Variants in BAZ1A observed in about 807,000 individuals in gnomAD.
The protein encoded by BAZ1A is bromodomain adjacent to zinc finger domain 1A, also known as bromodomain adjacent to zinc finger domain protein 1A.
BAZ1A carries 50 observed loss-of-function variants against 185.2 expected under a neutral mutation model. The observed-to-expected ratio is 0.27, with a 90% CI of 0.22 to 0.34. The LOEUF is 0.34. Among genes scored for constraint, BAZ1A ranks in the 10% least tolerant of loss-of-function variants. The pLI is 1.00. For synonymous variants in BAZ1A, 571 were observed against 615.6 expected (o/e 0.93, Z 1.07); for missense variants, 1,356 against 1,839.9 (o/e 0.74, Z 4.81).
intron 9 of BAZ1A, among the ~76,000 whole-genome samples, chr14:34,798,156 T>C (rs541706382): frequency 6.6e-6 from 1 of 152,002 alleles, no homozygotes; most frequent in Non-Finnish European, 1.5e-5. Context: ...GTGTCCGCCA[T>C]TGCTGAGGCT....
chr14:34,793,166 A>C lies in BAZ1A; in HGVS notation c.1364-245T>G, dbSNP rs142377841. Among the ~76,000 whole-genome samples the C allele has an allele frequency of 6.1e-3, 934 of 152,314 alleles. 16 individuals are homozygous for C. The highest frequency in any genetic ancestry group is 0.022 in the African/African-American group (902 of 41,580). Reference sequence around the variant, plus strand: ...AAGTCAAAATAGCCTCAATAGATCAACATATTTCATTTAAATTTAAATTTA... The same window carrying C: ...AAGTCAAAATAGCCTCAATAGATCACCATATTTCATTTAAATTTAAATTTA... On this transcript the variant is annotated intron_variant, in intron 11 of 26. Transcript: ENST00000360310.
chr14:34,760,815 G>T (rs1426786970), intron 24 of BAZ1A, among the ~76,000 whole-genome samples: 2 of 152,014 alleles, frequency 1.3e-5, no homozygotes, highest in Non-Finnish European at 1.5e-5. Context: ...TTGCGCCACT[G>T]CACAGCAGCC....
intron 6 of BAZ1A, 140 bp downstream of exon 6, chr14:34,807,311 G>A (rs112966125): frequency 2.2e-5 from 11 of 509,908 alleles, no homozygotes; most frequent in Admixed American, 4.2e-5. Context: ...ATATTTTTCA[G>A]AAGTACTAAA....
intron 20 of BAZ1A, among the ~76,000 whole-genome samples, chr14:34,772,388 C>T (rs1358751084): frequency 6.6e-6 from 1 of 152,132 alleles, no homozygotes; most frequent in African/African-American, 2.4e-5. Flanking sequence ...TTTACTATCT[C>T]CCATGTTCTA....
intron 9 of BAZ1A, 109 bp from the exon 10 acceptor site, chr14:34,795,874 C>A: frequency 5.5e-6 from 4 of 729,706 alleles, no homozygotes; most frequent in Non-Finnish European, 6.7e-6. Context: ...TTACCCCATA[C>A]CTACTGAAGC....
chr14:34,844,720 T>C (rs1037681441), intron 3 of BAZ1A, among the ~76,000 whole-genome samples: 4 of 151,078 alleles, frequency 2.6e-5, no homozygotes, highest in African/African-American at 4.9e-5. Flanking sequence ...AGAGAGCTAC[T>C]ACATTCTAGC....
In BAZ1A at chr14:34,753,420, A is replaced by ATTGT. The variant is rs3832925; in HGVS notation, c.*84_*87dup. On this transcript the variant is annotated 3_prime_UTR_variant, in exon 27 of 27. Coordinates refer to ENST00000360310, the MANE Select transcript of BAZ1A (RefSeq NM_013448.3). ...GGCCACACTTTCATGTGGTCAATCAATTGTTATTGCTTTATACAGCATGAT... is the reference window on the plus strand; with the variant it reads ...GGCCACACTTTCATGTGGTCAATCAATTGTTTGTTATTGCTTTATACAGCATGAT... 436,782 of 1,323,066 alleles carry ATTGT rather than the reference A, an allele frequency of 0.33. 76,156 individuals are homozygous for ATTGT. Among genetic ancestry groups the ATTGT allele is most frequent in the Non-Finnish European group, 0.36 (336,859 of 938,978 alleles). 82.0% of individuals were successfully genotyped at this position (1,323,066 alleles called of 1,614,324 possible). A position where few individuals can be genotyped will look rare whatever the true frequency, so the allele number is the denominator to read the frequency against.
chr14:34,785,733 G>A (rs1880396014), intron 14 of BAZ1A, 44 bp downstream of exon 14: 1 of 1,550,890 alleles, frequency 6.4e-7, no homozygotes, highest in African/African-American at 1.4e-5. Flanking sequence ...GCATAAGAGG[G>A]AGGAAGTGGG....
At chr14:34,773,318 A>G (rs1879349773) in intron 20 of BAZ1A, among the ~76,000 whole-genome samples, 1 of 152,028 alleles carries the variant, frequency 6.6e-6, no homozygotes, top group Non-Finnish European at 1.5e-5. Flanking sequence ...TTAAGTTCAA[A>G]GATTAAAAAA....
intron 9 of BAZ1A, among the ~76,000 whole-genome samples, chr14:34,796,197 T>TGCATGCTGAGCGTGGTG (rs1315988284): frequency 1.8e-5 from 2 of 112,064 alleles, no homozygotes; most frequent in African/African-American, 5.9e-5. Context: ...CACACATATA[T>TGCATGCTGAGCGTGGTG]GCATGCTGAG....
intron 3 of BAZ1A, chr14:34,845,510 T>C (rs1340112337): frequency 6.6e-6 from 1 of 152,162 alleles, no homozygotes; most frequent in East Asian, 1.9e-4. Flanking sequence ...AAATGACAGT[T>C]TTACCTTGTC....
chr14:34,843,344 C>T (rs1418365649), intron 3 of BAZ1A, among the ~76,000 whole-genome samples: 3 of 152,302 alleles, frequency 2.0e-5, no homozygotes, highest in East Asian at 1.9e-4. Flanking sequence ...ATACAGCACG[C>T]TGAGGCTTGT....
chr14:34,816,684 A>C (rs1159117169), intron 4 of BAZ1A: 1 of 205,966 alleles, frequency 4.9e-6, no homozygotes, highest in Non-Finnish European at 1.0e-5. Flanking sequence ...GGTTTCTTTT[A>C]TAAATTCTAA....
intron 2 of BAZ1A, among the ~76,000 whole-genome samples, chr14:34,873,292 A>C (rs2138851162): frequency 6.6e-6 from 1 of 152,314 alleles, no homozygotes; most frequent in Non-Finnish European, 1.5e-5. Context: ...CTTGGTTTGC[A>C]AGCCACAAAG....
intron 18 of BAZ1A, among the ~76,000 whole-genome samples, chr14:34,775,437 T>G (rs1879531652): frequency 6.6e-6 from 1 of 152,188 alleles, no homozygotes; most frequent in Admixed American, 6.5e-5. Flanking sequence ...CCTTACTGCT[T>G]TTTCTTATTT....
At chr14:34,776,562 C>T (rs1594826616) in intron 17 of BAZ1A, 47 bp from the exon 18 acceptor site, 6 of 1,475,036 alleles carry the variant, frequency 4.1e-6, no homozygotes, top group Non-Finnish European at 5.4e-6. Flanking sequence ...TTCAAGTTTC[C>T]ATTAGAAAAA....
At chr14:34,786,298 G>A in intron 12 of BAZ1A, 77 bp from the exon 13 acceptor site, 1 of 1,323,480 alleles carries the variant, frequency 7.6e-7, no homozygotes, top group Admixed American at 2.4e-5. Context: ...TTTAAATGAT[G>A]AAAGAAACAG....
intron 4 of BAZ1A, among the ~76,000 whole-genome samples, chr14:34,815,676 CTAATA>C (rs1377276435): frequency 4.6e-5 from 7 of 151,900 alleles, no homozygotes; most frequent in African/African-American, 1.7e-4. Context: ...GTTGTTTTTC[CTAATA>C]TATTATGAAC....
At chr14:34,866,502 A>AAAAAAAAAAAAAAAAAAAAAAAAAAAAAG in intron 2 of BAZ1A, among the ~76,000 whole-genome samples, 1 of 79,538 alleles carries the variant, frequency 1.3e-5, no homozygotes, top group Non-Finnish European at 2.8e-5. Flanking sequence ...AAAAAAAAAA[A>AAAAAAAAAAAAAAAAAAAAAAAAAAAAAG]GAAAAAAGTT....
Sources: allele counts gnomAD v4.1 joint callset (sites outside exome capture counted in the v4.1 genomes callset), GRCh38; gene constraint gnomAD v4.1.1; transcripts MANE v1.5; gene names NCBI Gene and HGNC (gene_info 2026-07-23, HGNC 2026-07-21).